Variants in RASAL2 observed in about 807,000 individuals in gnomAD.
RASAL2 encodes RAS protein activator like 2.
RASAL2 carries 58 observed loss-of-function variants against 128.9 expected under a neutral mutation model. The ratio of observed to expected loss-of-function variants is 0.45; its 90% CI spans 0.36 to 0.56. RASAL2 has a LOEUF of 0.56. Among genes scored for constraint, RASAL2 ranks in the 20% least tolerant of loss-of-function variants. The pLI is 0.00. For synonymous variants in RASAL2, 561 were observed against 580.8 expected, an observed-to-expected ratio of 0.97 and a Z score of 0.49; for missense variants, 1,360 against 1,601.6, an observed-to-expected ratio of 0.85 and a Z score of 2.57.
chr1:178,450,172 T>A (rs1320904829), intron 9 of RASAL2, among the ~76,000 whole-genome samples: 4 of 152,184 alleles, frequency 2.6e-5, no homozygotes, highest in African/African-American at 9.6e-5. Context: ...AAAAGTTGCA[T>A]GATTTTTAAA....
At chr1:178,166,608 G>A (rs938726816) in intron 1 of RASAL2, among the ~76,000 whole-genome samples, 2 of 152,132 alleles carry the variant, frequency 1.3e-5, no homozygotes, top group Admixed American at 6.6e-5. Flanking sequence ...CTTCTAATAA[G>A]TAGTGTCACC....
At chr1:178,328,667 T>A (rs1229868872) in intron 3 of RASAL2, among the ~76,000 whole-genome samples, 1 of 152,214 alleles carries the variant, frequency 6.6e-6, no homozygotes, top group African/African-American at 2.4e-5. Context: ...GGATATATAT[T>A]ATCTCATTTA....
chr1:178,180,058 A>G (rs1662033974), intron 1 of RASAL2, among the ~76,000 whole-genome samples: 1 of 152,156 alleles, frequency 6.6e-6, no homozygotes, highest in Admixed American at 6.5e-5. Flanking sequence ...TGATTATGAA[A>G]TACTTATTAA....
intron 1 of RASAL2, among the ~76,000 whole-genome samples, chr1:178,225,468 T>C (rs923889917): frequency 2.0e-5 from 3 of 151,966 alleles, no homozygotes; most frequent in Non-Finnish European, 2.9e-5. Context: ...ATTTTACCTT[T>C]CTATCTTGTC....
intron 2 of RASAL2, among the ~76,000 whole-genome samples, chr1:178,297,180 T>C (rs1004691581): frequency 6.6e-6 from 1 of 152,102 alleles, no homozygotes; most frequent in African/African-American, 2.4e-5. Context: ...AGAAAATTGC[T>C]CATGTATAGC....
intron 5 of RASAL2, among the ~76,000 whole-genome samples, chr1:178,436,928 A>G (rs1676292410): frequency 6.6e-6 from 1 of 151,904 alleles, no homozygotes; most frequent in African/African-American, 2.4e-5. Flanking sequence ...TCTCTTTTCT[A>G]TTGCCTTTTA....
chr1:178,416,668 A>AT (rs1674779102), intron 4 of RASAL2, among the ~76,000 whole-genome samples: 1 of 151,430 alleles, frequency 6.6e-6, no homozygotes, highest in Admixed American at 6.6e-5. Flanking sequence ...TTTTTCCTCA[A>AT]TTTTTTCATG....
chr1:178,182,069 A>G (rs1164480371), intron 1 of RASAL2, among the ~76,000 whole-genome samples: 1 of 152,166 alleles, frequency 6.6e-6, no homozygotes, highest in South Asian at 2.1e-4. Context: ...GTCTACACAG[A>G]TTACTTGAAA....
At chr1:178,246,112 T>C (rs1226703459) in intron 1 of RASAL2, among the ~76,000 whole-genome samples, 1 of 152,198 alleles carries the variant, frequency 6.6e-6, no homozygotes, top group East Asian at 1.9e-4. Context: ...AGAAAGTCAG[T>C]GGTAACTTGA....
chr1:178,168,287 A>C (rs80082859), intron 1 of RASAL2, among the ~76,000 whole-genome samples: 3 of 151,450 alleles, frequency 2.0e-5, no homozygotes, highest in Admixed American at 6.6e-5. Context: ...AAAAAAAAAA[A>C]CTGTAGACCA....
At chr1:178,288,691 C>T (rs1667146405) in intron 2 of RASAL2, among the ~76,000 whole-genome samples, 2 of 138,168 alleles carry the variant, frequency 1.4e-5, no homozygotes, top group Non-Finnish European at 3.1e-5. Flanking sequence ...CACTCTGTCA[C>T]CCAGGCTGGA....
chr1:178,363,225 C>T (rs1671221655), intron 3 of RASAL2, among the ~76,000 whole-genome samples: 2 of 151,964 alleles, frequency 1.3e-5, no homozygotes, highest in South Asian at 4.2e-4. Flanking sequence ...GAGGTGATAT[C>T]TTATTGTGGT....
At chr1:178,418,418 A>T (rs1389125176) in intron 4 of RASAL2, among the ~76,000 whole-genome samples, 1 of 152,168 alleles carries the variant, frequency 6.6e-6, no homozygotes, top group African/African-American at 2.4e-5. Flanking sequence ...CTTCACATTG[A>T]GCCTTTTTCC....
Position 178,267,569 on chromosome 1 carries a change from A to G in RASAL2, c.203-15995A>G, listed in dbSNP as rs557783236. 3.5e-3 allele frequency among the ~76,000 whole-genome samples: 460 copies of G among 133,286 alleles called. 2 individuals are homozygous for G. Among genetic ancestry groups the G allele is most frequent in the Non-Finnish European group, 5.2e-3 (328 of 63,186 alleles). The allele number at this position is 133,286 out of a possible 152,430, so 87.4% of individuals were successfully genotyped here. ...TTCTCAGACCTTACTGTAATATTGC[A>G]TTATATTTTTACTCAAGGTCGATAA... is the stretch of plus-strand genomic sequence containing the variant. On this transcript the variant is annotated intron_variant, in intron 1 of 17. Coordinates refer to ENST00000367649, the MANE Select transcript of RASAL2 (RefSeq NM_170692.4).
chr1:178,195,945 G>GA (rs1662645696), intron 1 of RASAL2, among the ~76,000 whole-genome samples: 1 of 152,104 alleles, frequency 6.6e-6, no homozygotes, highest in South Asian at 2.1e-4. Flanking sequence ...AGAGACCTGT[G>GA]AAAATCTTTG....
At chr1:178,266,122 A>T (rs1405264665) in intron 1 of RASAL2, among the ~76,000 whole-genome samples, 1 of 152,204 alleles carries the variant, frequency 6.6e-6, no homozygotes, top group Non-Finnish European at 1.5e-5. Flanking sequence ...GTATATATCT[A>T]GGAGTAGAAT....
chr1:178,239,537 A>G (rs1215533499), intron 1 of RASAL2, among the ~76,000 whole-genome samples: 42 of 152,102 alleles, frequency 2.8e-4, no homozygotes, highest in Admixed American at 2.7e-3. Flanking sequence ...TAGTGATTCT[A>G]TTATTTAATA....
intron 1 of RASAL2, among the ~76,000 whole-genome samples, chr1:178,143,036 G>C (rs1238945121): frequency 1.3e-5 from 2 of 151,864 alleles, no homozygotes. Context: ...CTGACTGTCT[G>C]CTTGATAGTT....
At chr1:178,107,384 T>C (rs1472017309) in intron 1 of RASAL2, among the ~76,000 whole-genome samples, 3 of 152,306 alleles carry the variant, frequency 2.0e-5, no homozygotes, top group East Asian at 1.9e-4. Flanking sequence ...GTAACAGATA[T>C]TGAGTTCTTT....
Sources: gnomAD v4.1 joint callset for allele counts (sites outside exome capture counted in the v4.1 genomes callset) on GRCh38, gnomAD v4.1.1 for gene constraint, MANE v1.5 for transcripts, NCBI Gene and HGNC (gene_info 2026-07-23, HGNC 2026-07-21) for gene names.